Variants in PFKP observed in about 807,000 individuals in gnomAD.
PFKP encodes ATP-dependent 6-phosphofructokinase, platelet type.
A neutral mutation model predicts 94.3 loss-of-function variants in PFKP; 101 were observed. That is an observed-to-expected ratio of 1.07 (90% CI 0.91 to 1.26). The LOEUF (loss-of-function observed/expected upper bound fraction) is 1.26. PFKP is among the 50% of genes most tolerant of loss of function. The probability of loss-of-function intolerance (pLI) is 0.00; values close to 1 mark genes in which losing one functional copy is unlikely to be tolerated. For synonymous variants in PFKP, 573 were observed against 432.6 expected (o/e 1.32, Z -4.03); for missense variants, 1,145 against 1,103.3 (o/e 1.04, Z -0.53).
intron 1 of PFKP, among the ~76,000 whole-genome samples, chr10:3,074,463 C>T (rs1346513412): frequency 3.3e-5 from 5 of 152,030 alleles, no homozygotes; most frequent in Non-Finnish European, 7.4e-5. Flanking sequence ...TGACTGTCTC[C>T]GATAAGGGTG....
chr10:3,101,722 A>G (rs1241154688), intron 4 of PFKP, among the ~76,000 whole-genome samples, 168 bp downstream of exon 4: 4 of 152,228 alleles, frequency 2.6e-5, no homozygotes, highest in Admixed American at 2.6e-4. Context: ...AATGATCGTA[A>G]GAATGCTAGT....
chr10:3,110,837 T>C (rs1207876904), intron 10 of PFKP, among the ~76,000 whole-genome samples: 2 of 151,846 alleles, frequency 1.3e-5, no homozygotes, highest in African/African-American at 4.9e-5. Flanking sequence ...TGTATGTGTA[T>C]GTTTATATGC....
intron 3 of PFKP, among the ~76,000 whole-genome samples, chr10:3,099,867 GGT>G (rs1290935874): frequency 6.6e-6 from 1 of 151,898 alleles, no homozygotes; most frequent in African/African-American, 2.4e-5. Context: ...TGGTGTATGT[GGT>G]GTGTGAATCT....
At chr10:3,120,392 T>C (rs1266958387) in intron 16 of PFKP, among the ~76,000 whole-genome samples, 4 of 130,354 alleles carry the variant, frequency 3.1e-5, no homozygotes, top group African/African-American at 1.1e-4. Flanking sequence ...TGTGTGTGTG[T>C]GTGTGTGCTG....
rs150614360 is a variant in PFKP, at chr10:3,090,696, C to T, written c.186+8235C>T. ...TGCGGAGCAGCACCCCTGTGTCCAC[C>T]TACCCCATAGTCATGACAGTCAAAG... On this transcript the variant is annotated intron_variant, in intron 2 of 21. Coordinates refer to ENST00000381125, the MANE Select transcript of PFKP (RefSeq NM_002627.5). 8.9e-4 allele frequency among the ~76,000 whole-genome samples: 136 copies of T among 152,244 alleles called. 1 individual carries two copies. The highest frequency in any genetic ancestry group is 3.1e-3 in the African/African-American group (127 of 41,542).
chr10:3,108,895 C>A, intron 9 of PFKP, 102 bp downstream of exon 9: 1 of 838,916 alleles, frequency 1.2e-6, no homozygotes, highest in African/African-American at 1.7e-5. Context: ...AAGGTGCTCC[C>A]CGAGAGATGC....
At chr10:3,076,325 G>A (rs938662173) in intron 1 of PFKP, among the ~76,000 whole-genome samples, 9 of 152,146 alleles carry the variant, frequency 5.9e-5, no homozygotes, top group African/African-American at 1.9e-4. Flanking sequence ...GTGCAGGGGA[G>A]GGCCGACACT....
At position 3,101,542 on chromosome 10, in the gene PFKP, C is replaced by T. The variant is rs1260359232; in HGVS notation, c.442C>T (p.Leu148=). Residue 148 remains leucine (L), a synonymous_variant, in exon 4 of 22, where the codon CTG becomes TTG. Transcript: ENST00000381125. The stretch of plus-strand genomic sequence containing the variant: ...GGAGTGGAGTGGGCTGCTGGAGGAG[C>T]TGGCCAGGAACGGTGAGTGGACACC... ...RKEWSGLLEE[L]ARNGQIDKEA... is the part of the protein sequence containing the mutation. 1.3e-6 allele frequency: 2 copies of T among 1,551,290 alleles called. No individual in the cohort carries two copies. Among genetic ancestry groups the T allele is most frequent in the Admixed American group, 1.9e-5 (1 of 52,430 alleles).
chr10:3,099,103 T>G (rs1377988961), intron 2 of PFKP, among the ~76,000 whole-genome samples, 172 bp from the exon 3 acceptor site: 1 of 152,212 alleles, frequency 6.6e-6, no homozygotes, highest in Admixed American at 6.5e-5. Flanking sequence ...AGGTGAGGAC[T>G]TTCCCACAAT....
intron 13 of PFKP, among the ~76,000 whole-genome samples, chr10:3,114,801 C>T (rs1202250784): frequency 6.6e-6 from 1 of 152,196 alleles, no homozygotes; most frequent in Non-Finnish European, 1.5e-5. Context: ...GGGGCAGGGC[C>T]GGCTTCTTTG....
rs562334408 is a variant in PFKP at position 3,080,386 on chromosome 10, G to A, written c.113-2002G>A. 1.6e-3 allele frequency among the ~76,000 whole-genome samples: 242 copies of A among 152,076 alleles called. 1 individual carries two copies. The highest frequency in any genetic ancestry group is 2.2e-3 in the Non-Finnish European group (147 of 67,956). On this transcript the variant is annotated intron_variant, in intron 1 of 21. Coordinates refer to ENST00000381125, the MANE Select transcript of PFKP (RefSeq NM_002627.5). Reference sequence around the variant, plus strand: ...CAAAAAATTAGCCAGGCGTGGTGGCGGGCGCCTGTAGTCCCAGCTGCTCAG... The same window carrying A: ...CAAAAAATTAGCCAGGCGTGGTGGCAGGCGCCTGTAGTCCCAGCTGCTCAG...
chr10:3,122,349 C>CTG (rs1476036164), intron 16 of PFKP, among the ~76,000 whole-genome samples: 1 of 152,118 alleles, frequency 6.6e-6, no homozygotes, highest in Non-Finnish European at 1.5e-5. Flanking sequence ...GCTGTGGCTG[C>CTG]TGGGGAGCTG....
rs140705277 is a variant in PFKP, at chr10:3,086,376, C to T, written c.186+3915C>T. Among the ~76,000 whole-genome samples, 13 of 152,338 alleles carry T rather than the reference C, an allele frequency of 8.5e-5. No individual in the cohort carries two copies. The East Asian group carries it at 1.2e-3, about 14-fold the overall frequency. ...GACTTACCTTAGTTCACTTTCTCCG[C>T]GTCACCACTCAGCATGTTCAGGGCC... is the stretch of plus-strand genomic sequence containing the variant. On this transcript the variant is annotated intron_variant, in intron 2 of 21. Transcript: ENST00000381125.
At chr10:3,130,332 T>G (rs1285612622) in intron 17 of PFKP, among the ~76,000 whole-genome samples, 3 of 152,238 alleles carry the variant, frequency 2.0e-5, no homozygotes, top group African/African-American at 7.2e-5. Flanking sequence ...TGAAGGTTGC[T>G]GCAGCTTCTT....
chr10:3,072,029 C>T (rs1262442359), intron 1 of PFKP, among the ~76,000 whole-genome samples: 5 of 152,192 alleles, frequency 3.3e-5, no homozygotes, highest in Non-Finnish European at 5.9e-5. Flanking sequence ...GTGTCTTTCC[C>T]GCGCCCAGCA....
intron 21 of PFKP, among the ~76,000 whole-genome samples, 158 bp from the exon 22 acceptor site, chr10:3,136,292 G>T (rs1433897164): frequency 1.3e-5 from 2 of 152,150 alleles, no homozygotes; most frequent in South Asian, 4.1e-4. Context: ...TTTAAACAAT[G>T]GTTTCATTTG....
chr10:3,118,828 A>G lies in PFKP; in HGVS notation c.1489A>G (p.Thr497Ala), dbSNP rs1837098423. ...YLEEIATQMR[T>A]HSINALLIIG... ...GGAAGAGATCGCCACACAGATGCGC[A>G]CGCACAGCATCAACGCGCTGCTGAT... is the stretch of plus-strand genomic sequence containing the variant. The change falls in exon 15 of 22, where the codon ACG (threonine) becomes GCG (alanine). Residue 497 changes from threonine (T) to alanine (A), a missense_variant. Thr to Ala is a moderately conservative substitution (Grantham distance 58). Around this residue, in one of 3 missense-constraint regions of PFKP, gnomAD observed 1,119 missense variants for 1,062.8 expected, o/e 1.05. Coordinates refer to ENST00000381125, the MANE Select transcript of PFKP (RefSeq NM_002627.5). 2 of 1,613,888 alleles carry G rather than the reference A, an allele frequency of 1.2e-6. No individual in the cohort carries two copies. Among genetic ancestry groups the G allele is most frequent in the African/African-American group, 2.7e-5 (2 of 75,062 alleles).
At chr10:3,127,646 G>T (rs1012162850) in intron 16 of PFKP, among the ~76,000 whole-genome samples, 2 of 152,202 alleles carry the variant, frequency 1.3e-5, no homozygotes, top group Admixed American at 1.3e-4. Flanking sequence ...TCAGAATTCT[G>T]CACTGGCCCT....
At chr10:3,094,192 A>G (rs1834300342) in intron 2 of PFKP, among the ~76,000 whole-genome samples, 1 of 151,904 alleles carries the variant, frequency 6.6e-6, no homozygotes, top group African/African-American at 2.4e-5. Context: ...AGTGCTTGGG[A>G]CCCTCTCTCT....
Sources: gnomAD v4.1 joint callset for allele counts (sites outside exome capture counted in the v4.1 genomes callset) on GRCh38, gnomAD v4.1.1 for gene constraint, gnomAD v4.1.1 regional missense constraint, MANE v1.5 for transcripts, NCBI Gene and HGNC (gene_info 2026-07-23, HGNC 2026-07-21) for gene names.